RNLS: variants seen among roughly 807,000 people sequenced by gnomAD.
RNLS encodes the protein renalase, FAD dependent amine oxidase.
RNLS carries 39 observed loss-of-function variants against 39.8 expected under a neutral mutation model. That is an observed-to-expected ratio of 0.98 (90% CI 0.76 to 1.28). RNLS has a LOEUF of 1.28. Ranked by LOEUF, RNLS falls within the 50% of genes most tolerant of loss-of-function variation. The pLI is 0.00. For missense variants in RNLS, 410 were observed against 413.3 expected, an observed-to-expected ratio of 0.99 and a Z score of 0.07; for synonymous variants, 147 against 150.7, an observed-to-expected ratio of 0.98 and a Z score of 0.18.
intron 4 of RNLS, among the ~76,000 whole-genome samples, chr10:88,363,964 GA>G (rs1296318519): frequency 6.6e-6 from 1 of 152,082 alleles, no homozygotes; most frequent in Admixed American, 6.6e-5. Flanking sequence ...ACTATAGATA[GA>G]AAAAATATTT....
At chr10:88,210,743 A>G in the RNLS span, among the ~76,000 whole-genome samples, 3 of 152,060 alleles carry the variant, frequency 2.0e-5, no homozygotes, top group African/African-American at 7.2e-5. Flanking sequence ...GAGAGTGTCT[A>G]TTTCCTATTC....
intron 3 of RNLS, 45 bp from the exon 4 acceptor site, chr10:88,573,106 T>C: frequency 6.3e-7 from 1 of 1,593,038 alleles, no homozygotes; most frequent in Non-Finnish European, 8.6e-7. Flanking sequence ...GAATTGCATA[T>C]ATGAATAAAG....
At chr10:88,295,159 G>T (rs961948640) in intron 6 of RNLS, among the ~76,000 whole-genome samples, 2 of 152,076 alleles carry the variant, frequency 1.3e-5, no homozygotes, top group African/African-American at 4.8e-5. Context: ...GAAAAGTGAG[G>T]ATAAAGATTA....
intron 5 of RNLS, among the ~76,000 whole-genome samples, chr10:88,357,360 T>A (rs1424742067): frequency 2.0e-5 from 3 of 152,200 alleles, no homozygotes; most frequent in Admixed American, 1.3e-4. Flanking sequence ...ACCTCAGAGA[T>A]CTTCTTGAGA....
chr10:88,247,635 T>G, the RNLS span, among the ~76,000 whole-genome samples: 3 of 152,180 alleles, frequency 2.0e-5, no homozygotes, highest in Admixed American at 6.5e-5. Flanking sequence ...TTGTGGTAGA[T>G]AGACTAATAG....
At chr10:88,414,212 A>T (rs1190792625) in intron 4 of RNLS, among the ~76,000 whole-genome samples, 1 of 151,166 alleles carries the variant, frequency 6.6e-6, no homozygotes, top group Non-Finnish European at 1.5e-5. Context: ...TAATAAAAAC[A>T]GGCTTTCTGT....
At chr10:88,367,508 T>A (rs532104538) in intron 4 of RNLS, among the ~76,000 whole-genome samples, 3 of 152,328 alleles carry the variant, frequency 2.0e-5, no homozygotes, top group South Asian at 2.1e-4. Flanking sequence ...TTTTGGTTAT[T>A]ACATATTTAA....
chr10:88,524,373 C>T (rs1846949859), intron 4 of RNLS, among the ~76,000 whole-genome samples: 1 of 152,072 alleles, frequency 6.6e-6, no homozygotes, highest in South Asian at 2.1e-4. Context: ...ATATAGTAAG[C>T]ACAGTATGGT....
At chr10:88,413,902 C>T (rs1424104134) in intron 4 of RNLS, among the ~76,000 whole-genome samples, 1 of 152,104 alleles carries the variant, frequency 6.6e-6, no homozygotes. Context: ...AGAACCTGGA[C>T]CTTATTTTGT....
intron 4 of RNLS, among the ~76,000 whole-genome samples, chr10:88,493,309 A>T (rs1432838038): frequency 6.6e-6 from 1 of 152,056 alleles, no homozygotes; most frequent in African/African-American, 2.4e-5. Flanking sequence ...AATTGTAGTA[A>T]ATGGATATTT....
the RNLS span, among the ~76,000 whole-genome samples, chr10:88,200,871 T>C: frequency 2.0e-5 from 3 of 152,180 alleles, no homozygotes; most frequent in African/African-American, 2.4e-5. Flanking sequence ...TGGTCCACAG[T>C]AACAATGCTT....
chr10:88,218,898 C>T, the RNLS span, among the ~76,000 whole-genome samples: 1 of 152,134 alleles, frequency 6.6e-6, no homozygotes, highest in Non-Finnish European at 1.5e-5. Flanking sequence ...CCAAACTTTT[C>T]CCACAGCCTG....
At chr10:88,576,005 T>A (rs1041261935) in intron 3 of RNLS, among the ~76,000 whole-genome samples, 1 of 152,202 alleles carries the variant, frequency 6.6e-6, no homozygotes, top group Non-Finnish European at 1.5e-5. Context: ...TGAACTCTCA[T>A]CATTCAGCTC....
rs201363822 is a variant in RNLS, at chr10:88,564,474, TAGG to T, written c.526+8426_526+8428del. 2.7e-4 allele frequency among the ~76,000 whole-genome samples: 41 copies of T among 152,038 alleles called. No homozygotes were observed. In the East Asian group the frequency reaches 7.7e-3, roughly 29 times the overall value. On this transcript the variant is annotated intron_variant, in intron 4 of 6. Coordinates refer to ENST00000331772, the MANE Select transcript of RNLS (RefSeq NM_001031709.3). The stretch of plus-strand genomic sequence containing the variant: ...TGAGTGCTATAACTAGAAGTAAAAC[TAGG>T]AGGAGAGATTAGGAATTCCTGAATC...
At chr10:88,556,178 A>C (rs1262732918) in intron 4 of RNLS, among the ~76,000 whole-genome samples, 1 of 152,072 alleles carries the variant, frequency 6.6e-6, no homozygotes, top group Non-Finnish European at 1.5e-5. Flanking sequence ...TCAATCCCAA[A>C]ACAGTGATTT....
the RNLS span, among the ~76,000 whole-genome samples, chr10:88,219,580 C>T: frequency 3.3e-5 from 5 of 152,142 alleles, no homozygotes; most frequent in African/African-American, 1.2e-4. Flanking sequence ...GGCACATCAG[C>T]CAGTCTTTGC....
chr10:88,236,444 T>C, the RNLS span, among the ~76,000 whole-genome samples: 5 of 152,186 alleles, frequency 3.3e-5, no homozygotes, highest in African/African-American at 7.2e-5. Context: ...CCTCTAGGGA[T>C]GAAAAGAGGT....
intron 5 of RNLS, among the ~76,000 whole-genome samples, chr10:88,350,223 T>C (rs1223974582): frequency 6.6e-6 from 1 of 152,160 alleles, no homozygotes; most frequent in Admixed American, 6.5e-5. Flanking sequence ...TTCTTTTTTT[T>C]TTTTAATATG....
the RNLS span, among the ~76,000 whole-genome samples, chr10:88,220,794 A>G: frequency 2.0e-5 from 3 of 152,200 alleles, no homozygotes; most frequent in Non-Finnish European, 2.9e-5. Context: ...AATGCCAGTT[A>G]TCATGTATGG....
Sources: gnomAD v4.1 joint callset for allele counts (sites outside exome capture counted in the v4.1 genomes callset) on GRCh38, gnomAD v4.1.1 for gene constraint, MANE v1.5 for transcripts, NCBI Gene and HGNC (gene_info 2026-07-23, HGNC 2026-07-21) for gene names.